The following PPP4R1 variants were observed in gnomAD, a reference collection of about 807,000 sequenced individuals.
The protein encoded by PPP4R1 is serine/threonine-protein phosphatase 4 regulatory subunit 1.
In PPP4R1, 42 loss-of-function variants were observed where a neutral mutation model predicts 111.2. The observed-to-expected ratio is 0.38, with a 90% CI of 0.29 to 0.49. The LOEUF is 0.49. Ranked by LOEUF, PPP4R1 falls within the 20% of genes least tolerant of loss-of-function variation. The pLI is 0.97. For synonymous variants in PPP4R1, 409 were observed against 405.5 expected (o/e 1.01, Z -0.10); for missense variants, 1,012 against 1,161.6 (o/e 0.87, Z 1.87).
At chr18:9,562,446 T>G (rs1039611312) in intron 12 of PPP4R1, among the ~76,000 whole-genome samples, 2 of 152,226 alleles carry the variant, frequency 1.3e-5, no homozygotes, top group Non-Finnish European at 2.9e-5. Context: ...CTATTTCTAT[T>G]CTTGGCTGTT....
In PPP4R1 at chr18:9,597,421, A is replaced by C. The variant is rs146203864; in HGVS notation, c.53-2268T>G. Among the ~76,000 whole-genome samples, 447 of 152,342 alleles carry C rather than the reference A, an allele frequency of 2.9e-3. 2 individuals are homozygous for C. Among genetic ancestry groups the C allele is most frequent in the African/African-American group, 0.01 (426 of 41,584 alleles). On this transcript the variant is annotated intron_variant, in intron 2 of 19. Transcript: ENST00000400556. ...AGAGAGGAGGGACCTTCACAGAGAAAGAACTTTAGAAAGCTGCAGAAAGTC... is the reference window on the plus strand; with the variant it reads ...AGAGAGGAGGGACCTTCACAGAGAACGAACTTTAGAAAGCTGCAGAAAGTC...
chr18:9,563,027 C>T (rs1378479018), intron 12 of PPP4R1: 5 of 1,026,544 alleles, frequency 4.9e-6, no homozygotes, highest in Non-Finnish European at 5.8e-6. Context: ...TGAAATGGTC[C>T]GATCAGAAAC....
chr18:9,548,774 T>C (rs528406001), intron 19 of PPP4R1, among the ~76,000 whole-genome samples: 5 of 152,070 alleles, frequency 3.3e-5, no homozygotes, highest in African/African-American at 1.2e-4. Flanking sequence ...AAAAATTAGC[T>C]GGGCGTGGTG....
chr18:9,579,345 C>T (rs1472978762), intron 9 of PPP4R1, among the ~76,000 whole-genome samples: 1 of 152,158 alleles, frequency 6.6e-6, no homozygotes, highest in East Asian at 1.9e-4. Context: ...CCACAAGTCA[C>T]TCAAAGAATA....
intron 11 of PPP4R1, among the ~76,000 whole-genome samples, chr18:9,569,901 C>CA (rs2066831324): frequency 6.6e-6 from 1 of 151,938 alleles, no homozygotes; most frequent in Non-Finnish European, 1.5e-5. Flanking sequence ...AAGCATGTGC[C>CA]ACCATGCCCG....
At chr18:9,561,037 G>A (rs1394564263) in intron 13 of PPP4R1, among the ~76,000 whole-genome samples, 1 of 151,264 alleles carries the variant, frequency 6.6e-6, no homozygotes, top group East Asian at 1.9e-4. Context: ...GGCCAACACG[G>A]CGAAACACTG....
intron 10 of PPP4R1, among the ~76,000 whole-genome samples, chr18:9,572,599 T>C (rs140388851): frequency 8.8e-4 from 134 of 152,268 alleles, no homozygotes; most frequent in Non-Finnish European, 1.5e-3. Context: ...ATACACACAA[T>C]AAAAGATGTT....
At chr18:9,558,224 C>A (rs1403985945) in intron 14 of PPP4R1, among the ~76,000 whole-genome samples, 1 of 152,026 alleles carries the variant, frequency 6.6e-6, no homozygotes, top group African/African-American at 2.4e-5. Flanking sequence ...AAATTTTACG[C>A]CCAAGTTCAA....
intron 2 of PPP4R1, among the ~76,000 whole-genome samples, chr18:9,599,407 A>C (rs1598953899): frequency 6.6e-6 from 1 of 152,348 alleles, no homozygotes; most frequent in East Asian, 1.9e-4. Flanking sequence ...ATCTAAAAGA[A>C]GGCAGAAAAA....
At chr18:9,589,633 G>A (rs2067177925) in intron 4 of PPP4R1, among the ~76,000 whole-genome samples, 1 of 151,768 alleles carries the variant, frequency 6.6e-6, no homozygotes, top group African/African-American at 2.4e-5. Flanking sequence ...TATAGGCTGG[G>A]TGTGCCTGTA....
chr18:9,584,866 A>C, intron 6 of PPP4R1, 38 bp from the exon 7 acceptor site: 18 of 1,444,994 alleles, frequency 1.2e-5, no homozygotes, highest in Non-Finnish European at 1.7e-5. Flanking sequence ...TGAAAATATC[A>C]AGTAAGCCTC....
chr18:9,548,253 GAAAGA>G (rs148192036), intron 19 of PPP4R1, among the ~76,000 whole-genome samples: 17,554 of 144,764 alleles, frequency 0.12, 1,213 homozygotes, highest in Middle Eastern at 0.24. Flanking sequence ...AAGTAGCAGT[GAAAGA>G]AAAATGCTTC....
intron 10 of PPP4R1, among the ~76,000 whole-genome samples, chr18:9,574,641 G>GGGA (rs1394797594): frequency 2.6e-5 from 4 of 152,328 alleles, no homozygotes; most frequent in Middle Eastern, 6.8e-3. Flanking sequence ...CGGAGACAAA[G>GGGA]GGAGGAGCTG....
At chr18:9,594,914 C>A in intron 3 of PPP4R1, 104 bp downstream of exon 3, 2 of 1,346,242 alleles carry the variant, frequency 1.5e-6, no homozygotes, top group Non-Finnish European at 2.0e-6. Context: ...TCAGATTGTG[C>A]CTGTTAATAA....
Position 9,588,241 on chromosome 18 carries a change from A to G in PPP4R1, c.439-6T>C, listed in dbSNP as rs2067153215. ...GCCTGACTTGTTTTCCTCACCTAGG[A>G]GAAAAATAACAACACAAAGAAAGTA... On this transcript the variant is annotated splice_region_variant and splice_polypyrimidine_tract_variant and intron_variant, in intron 5 of 19. Transcript: ENST00000400556. 1 of 1,611,736 alleles carries G rather than the reference A, an allele frequency of 6.2e-7. No homozygotes were observed. The highest frequency in any genetic ancestry group is 1.1e-5 in the South Asian group (1 of 90,634).
intron 4 of PPP4R1, among the ~76,000 whole-genome samples, chr18:9,591,814 C>G (rs1025810765): frequency 2.0e-5 from 3 of 152,146 alleles, no homozygotes; most frequent in Non-Finnish European, 4.4e-5. Context: ...TGCCTGTAAT[C>G]TCAGCACTTT....
At chr18:9,567,126 C>T (rs572153668) in intron 11 of PPP4R1, among the ~76,000 whole-genome samples, 3 of 152,270 alleles carry the variant, frequency 2.0e-5, no homozygotes, top group East Asian at 3.9e-4. Context: ...AAAGGATTCA[C>T]CACTCTAGAT....
chr18:9,581,720 TC>T (rs2145180981), intron 9 of PPP4R1, among the ~76,000 whole-genome samples: 2 of 152,262 alleles, frequency 1.3e-5, no homozygotes, highest in East Asian at 3.9e-4. Flanking sequence ...ACTAGGAAGT[TC>T]AATCAACTCA....
intron 9 of PPP4R1, among the ~76,000 whole-genome samples, chr18:9,578,079 G>A (rs577861912): frequency 6.5e-4 from 99 of 152,218 alleles, no homozygotes; most frequent in African/African-American, 2.0e-3. Flanking sequence ...ACTTCATGTC[G>A]TATTTCTGTA....
Sources: allele counts gnomAD v4.1 joint callset (sites outside exome capture counted in the v4.1 genomes callset), GRCh38; gene constraint gnomAD v4.1.1; transcripts MANE v1.5; gene names NCBI Gene and HGNC (gene_info 2026-07-23, HGNC 2026-07-21).